The following ESRRG variants were observed in gnomAD, a reference collection of about 807,000 sequenced individuals.
The protein encoded by ESRRG is estrogen related receptor gamma, also known as estrogen-related receptor gamma.
ESRRG carries 13 observed loss-of-function variants against 44.0 expected under a neutral mutation model. The ratio of observed to expected loss-of-function variants is 0.30; its 90% confidence interval spans 0.19 to 0.47. The LOEUF (loss-of-function observed/expected upper bound fraction) is 0.47. Ranked by LOEUF, ESRRG falls within the 20% of genes least tolerant of loss-of-function variation. The probability of loss-of-function intolerance (pLI) is 1.00; values close to 1 mark genes in which losing one functional copy is unlikely to be tolerated. For missense variants in ESRRG, 395 were observed against 580.6 expected (o/e 0.68, Z 3.29); for synonymous variants, 215 against 214.6 (o/e 1.00, Z -0.02).
In ESRRG at chr1:216,885,711, A is replaced by G. The variant is rs554588298; in HGVS notation, c.-14+53871T>C. On this transcript the variant is annotated intron_variant, in intron 2 of 7. Coordinates refer to the ESRRG transcript ENST00000359162. Reference sequence around the variant, plus strand: ...TGAGATCATTTTAGATTCATAGGAAAGTTTTAAATATATTTGTGTTTCCTT... The same window carrying G: ...TGAGATCATTTTAGATTCATAGGAAGGTTTTAAATATATTTGTGTTTCCTT... Among the ~76,000 whole-genome samples, 132 of 152,120 alleles carry G rather than the reference A, an allele frequency of 8.7e-4. 1 individual carries two copies. Among genetic ancestry groups the G allele is most frequent in the Middle Eastern group, 3.4e-3 (1 of 294 alleles).
At chr1:216,597,191 C>T (rs756278909) in intron 3 of ESRRG, among the ~76,000 whole-genome samples, 6 of 152,140 alleles carry the variant, frequency 3.9e-5, no homozygotes, top group Admixed American at 6.5e-5. Context: ...GTGCTTATTA[C>T]GCACCAGGCA....
At chr1:216,872,676 C>T (rs1277808162) in intron 2 of ESRRG, among the ~76,000 whole-genome samples, 3 of 151,774 alleles carry the variant, frequency 2.0e-5, no homozygotes, top group African/African-American at 7.3e-5. Flanking sequence ...TTCTTATTTC[C>T]TATTGCTGAG....
chr1:216,717,100 A>T (rs1002661850), intron 1 of ESRRG, among the ~76,000 whole-genome samples: 2 of 151,916 alleles, frequency 1.3e-5, no homozygotes, highest in African/African-American at 4.8e-5. Context: ...ATTTTTAAAC[A>T]TTATAAGGGG....
intron 1 of ESRRG, among the ~76,000 whole-genome samples, chr1:216,722,753 G>A (rs2086627672): frequency 6.6e-6 from 1 of 152,170 alleles, no homozygotes; most frequent in Admixed American, 6.5e-5. Context: ...TTCTCTGAAG[G>A]AGAATTAGTA....
chr1:216,998,932 G>T (rs544095305), intron 1 of ESRRG, among the ~76,000 whole-genome samples: 2 of 152,252 alleles, frequency 1.3e-5, no homozygotes, highest in South Asian at 2.1e-4. Flanking sequence ...CATTTGCGTG[G>T]TTCATATAAC....
intron 1 of ESRRG, among the ~76,000 whole-genome samples, chr1:217,084,255 G>A (rs918288340): frequency 6.6e-6 from 1 of 152,040 alleles, no homozygotes; most frequent in Non-Finnish European, 1.5e-5. Context: ...AAGGAAGAAA[G>A]TGCAATAAAT....
intron 2 of ESRRG, among the ~76,000 whole-genome samples, chr1:216,750,687 T>C (rs907743613): frequency 3.3e-5 from 5 of 152,070 alleles, no homozygotes; most frequent in Admixed American, 2.6e-4. Context: ...AATTAATACA[T>C]TGATAGGCAC....
chr1:216,679,735 A>G (rs1287145470), intron 1 of ESRRG, among the ~76,000 whole-genome samples: 2 of 141,234 alleles, frequency 1.4e-5, no homozygotes, highest in Non-Finnish European at 3.0e-5. Flanking sequence ...TGTATCTTCC[A>G]TGGTCACTTT....
chr1:216,704,948 T>C (rs983110319), intron 1 of ESRRG, among the ~76,000 whole-genome samples: 13 of 152,198 alleles, frequency 8.5e-5, no homozygotes, highest in Non-Finnish European at 1.8e-4. Flanking sequence ...AAATTAGCTC[T>C]TCCTAGTCCA....
At chr1:216,779,284 C>T (rs372747945) in intron 2 of ESRRG, among the ~76,000 whole-genome samples, 885 of 7,518 alleles carry the variant, frequency 0.12, 76 homozygotes, top group African/African-American at 0.15. Context: ...TATTTATAAA[C>T]ATTATATTTA....
chr1:217,098,959 G>C (rs558888189), intron 1 of ESRRG, among the ~76,000 whole-genome samples: 106 of 152,224 alleles, frequency 7.0e-4, no homozygotes, highest in African/African-American at 2.4e-3. Context: ...CCGCAGCCCA[G>C]TCCTCACCTA....
At chr1:216,607,086 G>C (rs2060032207) in intron 3 of ESRRG, among the ~76,000 whole-genome samples, 1 of 152,166 alleles carries the variant, frequency 6.6e-6, no homozygotes, top group Non-Finnish European at 1.5e-5. Context: ...TTGTCCTTAG[G>C]AAACTGTAAA....
chr1:216,546,942 C>A (rs942558061), intron 5 of ESRRG, among the ~76,000 whole-genome samples: 3 of 151,858 alleles, frequency 2.0e-5, no homozygotes, highest in Non-Finnish European at 4.4e-5. Flanking sequence ...TCTCCTAATG[C>A]TACCCCTCCC....
At chr1:216,887,283 A>T (rs1559990495) in intron 2 of ESRRG, among the ~76,000 whole-genome samples, 1 of 152,188 alleles carries the variant, frequency 6.6e-6, no homozygotes, top group Non-Finnish European at 1.5e-5. Flanking sequence ...TCAGTTAAGT[A>T]AACTTTCCTG....
intron 3 of ESRRG, among the ~76,000 whole-genome samples, chr1:216,609,691 A>G (rs1354879712): frequency 6.6e-6 from 1 of 152,146 alleles, no homozygotes; most frequent in Non-Finnish European, 1.5e-5. Context: ...AGAAATAACT[A>G]GTCTATTTTT....
rs542430459 is a variant in ESRRG at position 216,662,405 on chromosome 1, C to T, written c.473-11316G>A. Among the ~76,000 whole-genome samples the T allele has an allele frequency of 3.0e-4, 45 of 152,138 alleles. No homozygotes were observed. The South Asian group carries it at 5.6e-3, about 19-fold the overall frequency. On this transcript the variant is annotated intron_variant, in intron 2 of 6. Coordinates refer to ENST00000408911, the MANE Select transcript of ESRRG (RefSeq NM_001438.4). ...AACATTCAAAAAACAGTAATTACCC[C>T]AAGGGTCAGGGAACTCAGATAGCAC...
chr1:216,820,068 A>G (rs1186887509), intron 2 of ESRRG, among the ~76,000 whole-genome samples: 1 of 152,248 alleles, frequency 6.6e-6, no homozygotes, highest in Admixed American at 6.5e-5. Flanking sequence ...GAGAGATCTC[A>G]CTACATCCAA....
intron 3 of ESRRG, among the ~76,000 whole-genome samples, chr1:216,629,674 A>G (rs1411010386): frequency 6.6e-6 from 1 of 152,190 alleles, no homozygotes; most frequent in African/African-American, 2.4e-5. Flanking sequence ...TACCACCAGG[A>G]AGTAACTTGC....
intron 5 of ESRRG, among the ~76,000 whole-genome samples, chr1:216,560,509 A>G (rs1036075446): frequency 1.3e-5 from 2 of 152,198 alleles, no homozygotes; most frequent in Admixed American, 1.3e-4. Flanking sequence ...AACATGGGTT[A>G]TGCTTTTTAA....
Sources: gnomAD v4.1 joint callset for allele counts (sites outside exome capture counted in the v4.1 genomes callset) on GRCh38, gnomAD v4.1.1 for gene constraint, MANE v1.5 for transcripts, NCBI Gene and HGNC (gene_info 2026-07-23, HGNC 2026-07-21) for gene names.